KLRG2: variants seen among roughly 807,000 people sequenced by gnomAD.
The protein encoded by KLRG2 is killer cell lectin like receptor G2, also known as killer cell lectin-like receptor subfamily G member 2.
Under a neutral mutation model 35.4 loss-of-function variants are expected in KLRG2, and 39 were observed. The observed-to-expected ratio is 1.10, with a 90% CI of 0.85 to 1.44. The LOEUF is 1.44. Among genes scored for constraint, KLRG2 ranks in the 40% most tolerant of loss-of-function variants. The pLI is 0.00. For missense variants in KLRG2, 632 were observed against 570.9 expected, an observed-to-expected ratio of 1.11 and a Z score of -1.09; for synonymous variants, 283 against 265.8, an observed-to-expected ratio of 1.06 and a Z score of -0.63.
chr7:139,448,222 C>A (rs1231611253), downstream of KLRG2, among the ~76,000 whole-genome samples: 13 of 152,020 alleles, frequency 8.6e-5, no homozygotes, highest in Admixed American at 5.9e-4. Context: ...TCTCAAACTC[C>A]TGGGCTCAAG....
At chr7:139,447,170 T>C in the KLRG2 span, among the ~76,000 whole-genome samples, 1 of 152,106 alleles carries the variant, frequency 6.6e-6, no homozygotes, top group East Asian at 1.9e-4. Context: ...TTGAAAGAGA[T>C]AGTTTCAGAT....
chr7:139,460,171 C>T (rs1235071855), intron 3 of KLRG2, among the ~76,000 whole-genome samples: 1 of 152,102 alleles, frequency 6.6e-6, no homozygotes. Flanking sequence ...CAGGCATGAG[C>T]CACTGGGCCC....
chr7:139,443,491 G>A, the KLRG2 span, among the ~76,000 whole-genome samples: 1 of 152,310 alleles, frequency 6.6e-6, no homozygotes, highest in East Asian at 1.9e-4. Flanking sequence ...AGGAAAAAAT[G>A]AAACAGTATT....
In KLRG2 at chr7:139,452,705, C is replaced by CT. The variant is rs1412191380; in HGVS notation, c.*881dup. On this transcript the variant is annotated 3_prime_UTR_variant, in exon 5 of 5. Coordinates refer to ENST00000340940, the MANE Select transcript of KLRG2 (RefSeq NM_198508.4). Reference sequence around the variant, plus strand: ...GCTGGACTCAAGGAACTACACAACTCTGTCAGCCACATCCTCCAGCCTGAA... The same window carrying CT: ...GCTGGACTCAAGGAACTACACAACTCTTGTCAGCCACATCCTCCAGCCTGAA... 2 of 152,276 alleles carry CT rather than the reference C, an allele frequency of 1.3e-5. No homozygotes were observed. The highest frequency in any genetic ancestry group is 2.9e-5 in the Non-Finnish European group (2 of 68,072). The allele number at this position is 152,276 out of a possible 1,614,324, so 9.4% of individuals were successfully genotyped here.
At chr7:139,455,422 C>T (rs951149539) in intron 3 of KLRG2, among the ~76,000 whole-genome samples, 7 of 150,400 alleles carry the variant, frequency 4.7e-5, no homozygotes, top group African/African-American at 7.3e-5. Flanking sequence ...CCTGGGTTCA[C>T]GCCATTCTCC....
At position 139,483,067 on chromosome 7, in the gene KLRG2, C is replaced by A. The variant is rs1796993138; in HGVS notation, c.576G>T (p.Arg192=). 1.4e-6 allele frequency: 2 copies of A among 1,392,076 alleles called. No homozygotes were observed. The highest frequency in any genetic ancestry group is 1.8e-6 in the Non-Finnish European group (2 of 1,083,892). 86.2% of individuals were successfully genotyped at this position (1,392,076 alleles called of 1,614,324 possible). A position where few individuals can be genotyped will look rare whatever the true frequency, so the allele number is the denominator to read the frequency against. Residue 192 remains arginine, a synonymous_variant, in exon 1 of 5, where the codon CGG becomes CGT. Transcript: ENST00000340940. ...CCTCTGCGTCGCAGCCGCTCTCCGTCCGGGCTGCAGCCAGCGGCGAGCGGC... is the reference window on the plus strand; with the variant it reads ...CCTCTGCGTCGCAGCCGCTCTCCGTACGGGCTGCAGCCAGCGGCGAGCGGC... ...WGRRSPLAAA[R]TESGCDAEGR...
chr7:139,477,618 G>C (rs1796873649), intron 3 of KLRG2, among the ~76,000 whole-genome samples: 1 of 152,178 alleles, frequency 6.6e-6, no homozygotes, highest in African/African-American at 2.4e-5. Flanking sequence ...AGAGGGGTTA[G>C]AGTTTCAGTT....
At chr7:139,450,287 G>A (rs1016325370), downstream of KLRG2, among the ~76,000 whole-genome samples, 19 of 150,750 alleles carry the variant, frequency 1.3e-4, no homozygotes, top group African/African-American at 2.7e-4. Context: ...GCAGTGGCGC[G>A]ATCTCGGCTC....
At chr7:139,427,702 G>A in the KLRG2 span, among the ~76,000 whole-genome samples, 4 of 152,184 alleles carry the variant, frequency 2.6e-5, no homozygotes, top group Non-Finnish European at 5.9e-5. Context: ...ATTTCATCTT[G>A]TGTCTCTTAA....
chr7:139,428,384 C>G, the KLRG2 span, among the ~76,000 whole-genome samples: 4 of 152,042 alleles, frequency 2.6e-5, no homozygotes, highest in Non-Finnish European at 4.4e-5. Context: ...GCCCTGCCCC[C>G]ACCCACCACC....
At chr7:139,465,288 G>C (rs549706972) in intron 3 of KLRG2, among the ~76,000 whole-genome samples, 1 of 152,266 alleles carries the variant, frequency 6.6e-6, no homozygotes, top group South Asian at 2.1e-4. Flanking sequence ...TCCATATCCT[G>C]CACCACCATG....
chr7:139,430,130 C>T, the KLRG2 span, among the ~76,000 whole-genome samples: 3 of 152,240 alleles, frequency 2.0e-5, no homozygotes, highest in South Asian at 6.2e-4. Flanking sequence ...CTGCCGGGCG[C>T]AATGGCTAAT....
At chr7:139,460,573 G>A (rs1796551609) in intron 3 of KLRG2, among the ~76,000 whole-genome samples, 1 of 151,952 alleles carries the variant, frequency 6.6e-6, no homozygotes, top group Non-Finnish European at 1.5e-5. Context: ...TGAGATGGGA[G>A]GATTGCTTGA....
intron 3 of KLRG2, among the ~76,000 whole-genome samples, chr7:139,469,698 C>A (rs1297201046): frequency 3.9e-5 from 6 of 152,230 alleles, no homozygotes; most frequent in Admixed American, 3.9e-4. Flanking sequence ...CCCACCTCGG[C>A]CTCCCAAAGT....
chr7:139,474,157 C>A (rs964100234), intron 3 of KLRG2, among the ~76,000 whole-genome samples: 1 of 151,942 alleles, frequency 6.6e-6, no homozygotes, highest in Non-Finnish European at 1.5e-5. Flanking sequence ...GCTGGGACTA[C>A]AGTTGTGTGC....
chr7:139,451,825 C>T (rs1796380968), downstream of KLRG2, among the ~76,000 whole-genome samples: 1 of 152,124 alleles, frequency 6.6e-6, no homozygotes, highest in Non-Finnish European at 1.5e-5. Flanking sequence ...TGTCATTTCT[C>T]CAGGCACAGA....
chr7:139,451,417 T>A (rs1796373606), downstream of KLRG2, among the ~76,000 whole-genome samples: 1 of 152,074 alleles, frequency 6.6e-6, no homozygotes, highest in African/African-American at 2.4e-5. Flanking sequence ...GGAGAATCAT[T>A]TGAACCCAGG....
At chr7:139,439,243 A>G in the KLRG2 span, among the ~76,000 whole-genome samples, 2 of 152,344 alleles carry the variant, frequency 1.3e-5, no homozygotes, top group South Asian at 4.1e-4. Context: ...ATGAATTTCC[A>G]GAAGCATTAT....
At chr7:139,462,515 C>T (rs1796585656) in intron 3 of KLRG2, among the ~76,000 whole-genome samples, 1 of 152,110 alleles carries the variant, frequency 6.6e-6, no homozygotes, top group Non-Finnish European at 1.5e-5. Flanking sequence ...AAACTTCCAC[C>T]CTCCATTCCT....
Sources: allele counts gnomAD v4.1 joint callset (sites outside exome capture counted in the v4.1 genomes callset), GRCh38; gene constraint gnomAD v4.1.1; transcripts MANE v1.5; gene names NCBI Gene and HGNC (gene_info 2026-07-23, HGNC 2026-07-21).